Variants in ITPR2 observed in about 807,000 individuals in gnomAD.
The protein encoded by ITPR2 is inositol 1,4,5-trisphosphate receptor type 2.
In ITPR2, 207 loss-of-function variants were observed where a neutral mutation model predicts 317.1. The observed-to-expected ratio is 0.65, with a 90% CI of 0.58 to 0.73. ITPR2 has a LOEUF of 0.73. Ranked by LOEUF, ITPR2 falls within the 30% of genes least tolerant of loss-of-function variation. The probability of loss-of-function intolerance (pLI) is 0.00; values close to 1 mark genes in which losing one functional copy is unlikely to be tolerated. For synonymous variants in ITPR2, 1,156 were observed against 1,149.1 expected (o/e 1.01, Z -0.12); for missense variants, 2,613 against 3,284.0 (o/e 0.80, Z 4.99).
At chr12:26,477,063 T>C in intron 43 of ITPR2, 56 bp from the exon 44 acceptor site, 1 of 1,099,660 alleles carries the variant, frequency 9.1e-7, no homozygotes, top group Non-Finnish European at 1.4e-6. Flanking sequence ...GGATTAACGA[T>C]TTCTCTGCAT....
At chr12:26,483,078 A>G (rs1367161253) in intron 42 of ITPR2, among the ~76,000 whole-genome samples, 7 of 152,164 alleles carry the variant, frequency 4.6e-5, no homozygotes. Flanking sequence ...CCCACAATAT[A>G]TCCTTGATAT....
chr12:26,786,551 T>C (rs1360537648), intron 2 of ITPR2, among the ~76,000 whole-genome samples: 2 of 152,122 alleles, frequency 1.3e-5, no homozygotes, highest in African/African-American at 4.8e-5. Flanking sequence ...ATCTATTGTA[T>C]GGTTTCTATC....
intron 2 of ITPR2, among the ~76,000 whole-genome samples, chr12:26,763,717 A>T (rs1949675042): frequency 6.6e-6 from 1 of 152,084 alleles, no homozygotes; most frequent in Non-Finnish European, 1.5e-5. Flanking sequence ...GCATTTCTCC[A>T]TTCTTTTACT....
intron 55 of ITPR2, among the ~76,000 whole-genome samples, chr12:26,385,760 C>A (rs1939646797): frequency 6.6e-6 from 1 of 152,214 alleles, no homozygotes; most frequent in South Asian, 2.1e-4. Flanking sequence ...CAGACACTCC[C>A]CATCTACAGA....
At chr12:26,530,532 C>T (rs916136303) in intron 37 of ITPR2, among the ~76,000 whole-genome samples, 1 of 152,128 alleles carries the variant, frequency 6.6e-6, no homozygotes, top group Admixed American at 6.5e-5. Context: ...CTCTGGCTCC[C>T]CAGTTGGGGC....
chr12:26,382,417 C>A (rs543154816), intron 55 of ITPR2, among the ~76,000 whole-genome samples: 2 of 152,158 alleles, frequency 1.3e-5, no homozygotes, highest in Non-Finnish European at 2.9e-5. Context: ...GTAATCCTAG[C>A]ACTTTGGGAG....
chr12:26,758,488 A>G (rs1386602625), intron 2 of ITPR2, among the ~76,000 whole-genome samples: 1 of 152,206 alleles, frequency 6.6e-6, no homozygotes, highest in Non-Finnish European at 1.5e-5. Flanking sequence ...GCCTTTCTCC[A>G]TTCCATGGTC....
chr12:26,440,522 T>G (rs1941461985), intron 46 of ITPR2, among the ~76,000 whole-genome samples: 1 of 152,276 alleles, frequency 6.6e-6, no homozygotes, highest in Admixed American at 6.5e-5. Context: ...TTTAAACAAT[T>G]GTCACTGTGG....
chr12:26,346,972 G>A (rs1018822449), intron 55 of ITPR2, among the ~76,000 whole-genome samples: 12 of 152,136 alleles, frequency 7.9e-5, no homozygotes, highest in East Asian at 3.9e-4. Context: ...ACAGAAACAC[G>A]GCATTTTGGC....
rs78076783 is a variant in ITPR2 at position 26,532,221 on chromosome 12, G to A, written c.5073+18026C>T. 5.5e-3 allele frequency among the ~76,000 whole-genome samples: 842 copies of A among 152,174 alleles called. 10 individuals carry two copies. The highest frequency in any genetic ancestry group is 0.019 in the African/African-American group (799 of 41,498). ...AGTGTTCTTGTTTGTGTTATGTTCC[G>A]TAAAATTCACTCTATCTTTAGGTAG... On this transcript the variant is annotated intron_variant, in intron 37 of 56. Coordinates refer to ENST00000381340, the MANE Select transcript of ITPR2 (RefSeq NM_002223.4).
chr12:26,462,140 C>A (rs536548641), intron 45 of ITPR2, among the ~76,000 whole-genome samples: 3 of 71,014 alleles, frequency 4.2e-5, no homozygotes, highest in South Asian at 8.6e-4. Flanking sequence ...CCATGGGCTA[C>A]TACACAAGGA....
intron 49 of ITPR2, 44 bp downstream of exon 49, chr12:26,427,869 T>G (rs1592014221): frequency 7.8e-7 from 1 of 1,286,172 alleles, no homozygotes; most frequent in Non-Finnish European, 1.0e-6. Flanking sequence ...TCATACACTT[T>G]TAAACTAATT....
intron 2 of ITPR2, among the ~76,000 whole-genome samples, chr12:26,774,292 A>G (rs1949920327): frequency 6.6e-6 from 1 of 152,176 alleles, no homozygotes; most frequent in Non-Finnish European, 1.5e-5. Flanking sequence ...GGTAGTGGTA[A>G]GACACTGAAA....
chr12:26,401,575 T>G (rs1361121990), intron 52 of ITPR2, among the ~76,000 whole-genome samples: 1 of 152,186 alleles, frequency 6.6e-6, no homozygotes, highest in Non-Finnish European at 1.5e-5. Context: ...AATCAGAAAT[T>G]CCTAACACTG....
intron 41 of ITPR2, among the ~76,000 whole-genome samples, chr12:26,484,536 T>C (rs1942620166): frequency 6.6e-6 from 1 of 152,160 alleles, no homozygotes; most frequent in Admixed American, 6.5e-5. Flanking sequence ...AACCATATCA[T>C]ATGTATGGTA....
chr12:26,356,927 T>C (rs1393301884), intron 55 of ITPR2, among the ~76,000 whole-genome samples: 1 of 152,236 alleles, frequency 6.6e-6, no homozygotes, highest in Non-Finnish European at 1.5e-5. Flanking sequence ...AGAAAAAGAC[T>C]TTAAGATACT....
chr12:26,633,556 G>A (rs558326006), intron 21 of ITPR2, among the ~76,000 whole-genome samples: 19 of 152,330 alleles, frequency 1.2e-4, no homozygotes, highest in African/African-American at 3.6e-4. Context: ...TCCAAGTTCG[G>A]ACAAAATTGA....
Position 26,507,859 on chromosome 12 carries a change from GTC to G in ITPR2, c.5074-12601_5074-12600del, listed in dbSNP as rs769576118. Reference sequence around the variant, plus strand: ...AATATCTCTCTACTCTTCTCTCTCTGTCTCTGTGTGTGTGTGTGTGTGTGTGT... The same window carrying G: ...AATATCTCTCTACTCTTCTCTCTCTGTCTGTGTGTGTGTGTGTGTGTGTGT... On this transcript the variant is annotated intron_variant, in intron 37 of 56. Transcript: ENST00000381340. Among the ~76,000 whole-genome samples, 248 of 95,820 alleles carry G rather than the reference GTC, an allele frequency of 2.6e-3. 2 individuals carry two copies. The highest frequency in any genetic ancestry group is 0.015 in the Admixed American group (147 of 9,884). 62.9% of individuals were successfully genotyped at this position (95,820 alleles called of 152,430 possible).
intron 13 of ITPR2, among the ~76,000 whole-genome samples, chr12:26,674,895 T>C (rs11048641): frequency 0.34 from 50,492 of 148,710 alleles, 9,340 homozygotes; most frequent in East Asian, 0.63. Flanking sequence ...AGGACATGAA[T>C]AGACACTTCT....
Sources: allele counts gnomAD v4.1 joint callset (sites outside exome capture counted in the v4.1 genomes callset), GRCh38; gene constraint gnomAD v4.1.1; transcripts MANE v1.5; gene names NCBI Gene and HGNC (gene_info 2026-07-23, HGNC 2026-07-21).